Variants in ADAM28 observed in about 807,000 individuals in gnomAD.
ADAM28 encodes ADAM metallopeptidase domain 28.
ADAM28 carries 105 observed loss-of-function variants against 101.2 expected under a neutral mutation model. The observed-to-expected ratio is 1.04, with a 90% CI of 0.89 to 1.22. ADAM28 has a LOEUF of 1.22. Ranked by LOEUF, ADAM28 falls within the 50% of genes most tolerant of loss-of-function variation. The probability of loss-of-function intolerance (pLI) is 0.00; values close to 1 mark genes in which losing one functional copy is unlikely to be tolerated. For synonymous variants in ADAM28, 322 were observed against 310.6 expected (o/e 1.04, Z -0.39); for missense variants, 1,028 against 945.4 (o/e 1.09, Z -1.15).
chr8:24,339,780 C>T (rs1384235403), intron 15 of ADAM28, among the ~76,000 whole-genome samples: 1 of 152,142 alleles, frequency 6.6e-6, no homozygotes, highest in African/African-American at 2.4e-5. Flanking sequence ...CTTCAAGTAT[C>T]TCATGGTGGG....
chr8:24,343,365 T>C, intron 17 of ADAM28, 141 bp from the exon 18 acceptor site: 1 of 1,051,728 alleles, frequency 9.5e-7, no homozygotes, highest in Non-Finnish European at 1.4e-6. Flanking sequence ...TGCCTCTCAT[T>C]CACTCATACT....
chr8:24,323,595 A>AC (rs891553220), intron 8 of ADAM28, among the ~76,000 whole-genome samples: 7 of 150,824 alleles, frequency 4.6e-5, no homozygotes, highest in African/African-American at 4.9e-5. Flanking sequence ...CCTCCCTACC[A>AC]CCCCCCACCC....
chr8:24,306,716 C>T (rs564161717), intron 2 of ADAM28, among the ~76,000 whole-genome samples: 446 of 152,156 alleles, frequency 2.9e-3, no homozygotes, highest in African/African-American at 0.01. Context: ...CTCTGTTTAT[C>T]TGAGATTCAC....
At chr8:24,341,866 T>G in intron 16 of ADAM28, 109 bp downstream of exon 16, 2 of 1,390,960 alleles carry the variant, frequency 1.4e-6, no homozygotes, top group Non-Finnish European at 2.0e-6. Context: ...GATTTTGGGG[T>G]TCGCCATGCC....
intron 20 of ADAM28, 57 bp from the exon 21 acceptor site, chr8:24,351,930 A>G: frequency 6.3e-7 from 1 of 1,585,106 alleles, no homozygotes; most frequent in Non-Finnish European, 8.7e-7. Flanking sequence ...AAAATTACTT[A>G]AAAACTGTGC....
intron 6 of ADAM28, among the ~76,000 whole-genome samples, chr8:24,316,726 C>A (rs1316811257): frequency 6.6e-6 from 1 of 151,948 alleles, no homozygotes; most frequent in Non-Finnish European, 1.5e-5. Flanking sequence ...GAAGTACTAT[C>A]AAAAGCATTT....
At chr8:24,354,133 T>G (rs1186304221) in intron 22 of ADAM28, among the ~76,000 whole-genome samples, 1 of 152,058 alleles carries the variant, frequency 6.6e-6, no homozygotes, top group South Asian at 2.1e-4. Flanking sequence ...ATCCTGTAAC[T>G]CTCCTTCTGG....
At chr8:24,319,580 C>A (rs987216334) in intron 6 of ADAM28, among the ~76,000 whole-genome samples, 2 of 151,946 alleles carry the variant, frequency 1.3e-5, no homozygotes, top group African/African-American at 4.8e-5. Flanking sequence ...AAAAGACATG[C>A]ACTTCCAGAA....
chr8:24,353,593 T>G (rs1011952507), intron 21 of ADAM28, among the ~76,000 whole-genome samples, 177 bp from the exon 22 acceptor site: 3 of 152,066 alleles, frequency 2.0e-5, no homozygotes, highest in East Asian at 3.9e-4. Context: ...GTGGTTAAAG[T>G]AGGACGAATA....
rs77803634 is a variant in ADAM28, at chr8:24,338,368, A to G, written c.1568-1098A>G. Among the ~76,000 whole-genome samples, 6 of 152,302 alleles carry G rather than the reference A, an allele frequency of 3.9e-5. No individual in the cohort carries two copies. In the East Asian group the frequency reaches 9.6e-4, roughly 24 times the overall value. ...GCATGATGCCAGATATATGAATGAT[A>G]CCTTCTGCAATATCAGCAGCAATAA... is the stretch of plus-strand genomic sequence containing the variant. On this transcript the variant is annotated intron_variant, in intron 14 of 22. Transcript: ENST00000265769.
chr8:24,313,756 C>CTTTTTTT lies in ADAM28; in HGVS notation c.576+177_576+178insTTTTTTT, dbSNP rs1284941330. ...CATTTAACAAGTACTTAGGAATCAA[C>CTTTTTTT]TATTTTTTTTTTTTTTTTGAGATGG... On this transcript the variant is annotated intron_variant, in intron 6 of 22. Coordinates refer to ENST00000265769, the MANE Select transcript of ADAM28 (RefSeq NM_014265.6). Among the ~76,000 whole-genome samples the CTTTTTTT allele has an allele frequency of 2.1e-5, 3 of 145,594 alleles. 1 individual carries two copies. Among genetic ancestry groups the CTTTTTTT allele is most frequent in the African/African-American group, 5.3e-5 (2 of 37,968 alleles).
chr8:24,303,286 G>C (rs1394842856), intron 2 of ADAM28, among the ~76,000 whole-genome samples: 2 of 151,990 alleles, frequency 1.3e-5, no homozygotes, highest in African/African-American at 4.8e-5. Flanking sequence ...GTTTACATTT[G>C]AGTTTTTAAT....
intron 2 of ADAM28, among the ~76,000 whole-genome samples, chr8:24,303,462 T>C (rs1809112831): frequency 6.6e-6 from 1 of 152,138 alleles, no homozygotes; most frequent in African/African-American, 2.4e-5. Context: ...AGATGTGTGG[T>C]CTTATTTCTG....
chr8:24,336,440 G>C lies in ADAM28; in HGVS notation c.1567+799G>C, dbSNP rs1004330776. ...CTACTAAAAATACAAAAAATTAGCC[G>C]GGCGTGCTAGTGGGCGCCTGTCCCA... On this transcript the variant is annotated intron_variant, in intron 14 of 22. Coordinates refer to ENST00000265769, the MANE Select transcript of ADAM28 (RefSeq NM_014265.6). 9.9e-5 allele frequency among the ~76,000 whole-genome samples: 15 copies of C among 151,446 alleles called. No individual in the cohort carries two copies. The East Asian group carries it at 1.2e-3, about 12-fold the overall frequency.
chr8:24,324,222 G>T (rs1444322521), intron 9 of ADAM28, among the ~76,000 whole-genome samples: 1 of 151,752 alleles, frequency 6.6e-6, no homozygotes, highest in African/African-American at 2.4e-5. Context: ...TGTTTTTATT[G>T]GGTATACAAG....
intron 2 of ADAM28, among the ~76,000 whole-genome samples, chr8:24,306,368 AT>A (rs1809658835): frequency 7.3e-6 from 1 of 137,140 alleles, no homozygotes; most frequent in Non-Finnish European, 1.6e-5. Flanking sequence ...AAATAAATAT[AT>A]ATATATATAT....
intron 11 of ADAM28, 95 bp from the exon 12 acceptor site, chr8:24,331,055 G>A: frequency 8.0e-7 from 1 of 1,254,848 alleles, no homozygotes; most frequent in Non-Finnish European, 1.1e-6. Context: ...TGTCTTTTGG[G>A]GCAGGCCGTG....
At chr8:24,332,628 T>C in intron 12 of ADAM28, 32 bp from the exon 13 acceptor site, 1 of 1,301,250 alleles carries the variant, frequency 7.7e-7, no homozygotes, top group Non-Finnish European at 1.0e-6. Flanking sequence ...AAAAGTAATG[T>C]TGCATTTACA....
intron 18 of ADAM28, among the ~76,000 whole-genome samples, chr8:24,345,706 C>A: frequency 6.6e-6 from 1 of 151,972 alleles, no homozygotes. Flanking sequence ...TTGATTCAAC[C>A]GATGCTTTTT....
Sources: gnomAD v4.1 joint callset for allele counts (sites outside exome capture counted in the v4.1 genomes callset) on GRCh38, gnomAD v4.1.1 for gene constraint, MANE v1.5 for transcripts, NCBI Gene and HGNC (gene_info 2026-07-23, HGNC 2026-07-21) for gene names.